Variants in BTF3L4 observed in about 807,000 individuals in gnomAD.
BTF3L4 encodes basic transcription factor 3 like 4.
In BTF3L4, 6 loss-of-function variants were observed where a neutral mutation model predicts 16.8. The observed-to-expected ratio is 0.36, with a 90% CI of 0.20 to 0.71. BTF3L4 has a LOEUF of 0.71. Ranked by LOEUF, BTF3L4 falls within the 30% of genes least tolerant of loss-of-function variation. BTF3L4 has a pLI of 0.58. For missense variants in BTF3L4, 92 were observed against 186.9 expected (o/e 0.49, Z 2.96); for synonymous variants, 39 against 59.8 (o/e 0.65, Z 1.60).
intron 3 of BTF3L4, among the ~76,000 whole-genome samples, chr1:52,069,220 G>A (rs947812853): frequency 1.3e-5 from 2 of 152,144 alleles, no homozygotes; most frequent in African/African-American, 2.4e-5. Context: ...TATTTGAACC[G>A]AAGATGGAGA....
rs768693775 is a variant in BTF3L4 at position 52,088,131 on chromosome 1, A to ATATATC, written c.*1374_*1379dup. On this transcript the variant is annotated 3_prime_UTR_variant, in exon 6 of 6. Coordinates refer to ENST00000313334, the MANE Select transcript of BTF3L4 (RefSeq NM_152265.5). ...AATATTTAAGGACAAAATTTAGAAA[A>ATATATC]TATATCATTTCCTGGCCCATCATCA... is the stretch of plus-strand genomic sequence containing the variant. 4.6e-5 allele frequency: 7 copies of ATATATC among 152,594 alleles called. No homozygotes were observed. The highest frequency in any genetic ancestry group is 1.0e-4 in the Non-Finnish European group (7 of 68,040). 9.5% of individuals were successfully genotyped at this position (152,594 alleles called of 1,614,324 possible). A position where few individuals can be genotyped will look rare whatever the true frequency, so the allele number is the denominator to read the frequency against.
intron 3 of BTF3L4, among the ~76,000 whole-genome samples, chr1:52,082,971 TTTTG>T (rs1359593849): frequency 6.6e-6 from 1 of 152,168 alleles, no homozygotes; most frequent in Non-Finnish European, 1.5e-5. Context: ...ATTGCACTGA[TTTTG>T]TTTGACAGTA....
At chr1:52,074,610 C>T (rs1168570017) in intron 3 of BTF3L4, among the ~76,000 whole-genome samples, 1 of 152,046 alleles carries the variant, frequency 6.6e-6, no homozygotes, top group Non-Finnish European at 1.5e-5. Context: ...GATCCACCTG[C>T]CTCGGCCTCC....
intron 4 of BTF3L4, among the ~76,000 whole-genome samples, chr1:52,083,957 T>C (rs934074784): frequency 4.0e-5 from 6 of 149,662 alleles, no homozygotes; most frequent in Non-Finnish European, 7.4e-5. Context: ...GAGGCAGAGG[T>C]TGCAGTGAGC....
At chr1:52,068,330 T>G (rs1420947000) in intron 3 of BTF3L4, among the ~76,000 whole-genome samples, 1 of 152,246 alleles carries the variant, frequency 6.6e-6, no homozygotes, top group African/African-American at 2.4e-5. Context: ...TGCCAAGGAC[T>G]TACTGGACAG....
At position 52,088,136 on chromosome 1, in the gene BTF3L4, T is replaced by C. The variant is rs1211528459; in HGVS notation, c.*1378T>C. ...TTAAGGACAAAATTTAGAAAATATA[T>C]CATTTCCTGGCCCATCATCAAACTA... On this transcript the variant is annotated 3_prime_UTR_variant, in exon 6 of 6. Coordinates refer to ENST00000313334, the MANE Select transcript of BTF3L4 (RefSeq NM_152265.5). The C allele has an allele frequency of 6.6e-6, 1 of 152,600 alleles. No homozygotes were observed. Among genetic ancestry groups the C allele is most frequent in the Non-Finnish European group, 1.5e-5 (1 of 68,046 alleles). 9.5% of individuals were successfully genotyped at this position (152,600 alleles called of 1,614,324 possible).
At chr1:52,069,333 C>T (rs984219296) in intron 3 of BTF3L4, among the ~76,000 whole-genome samples, 1 of 151,844 alleles carries the variant, frequency 6.6e-6, no homozygotes, top group Non-Finnish European at 1.5e-5. Flanking sequence ...TGAAATATTC[C>T]TCTTTGGGAA....
At chr1:52,079,374 T>C (rs1399239646) in intron 3 of BTF3L4, among the ~76,000 whole-genome samples, 24 of 87,586 alleles carry the variant, frequency 2.7e-4, no homozygotes, top group African/African-American at 9.2e-4. Context: ...AAAGTGAGAC[T>C]CCATCTCAAA....
At position 52,069,650 on chromosome 1, in the gene BTF3L4, A is replaced by G. The variant is rs17173201; in HGVS notation, c.168+4712A>G. 0.01 allele frequency among the ~76,000 whole-genome samples: 1,536 copies of G among 152,310 alleles called. 80 individuals carry two copies. In the East Asian group the frequency reaches 0.13, roughly 13 times the overall value. ...TTGAGAAGAAAAGACACTTTTTGCCATTATTGTGAAACAATATGATAGTAC... is the reference window on the plus strand; with the variant it reads ...TTGAGAAGAAAAGACACTTTTTGCCGTTATTGTGAAACAATATGATAGTAC... On this transcript the variant is annotated intron_variant, in intron 3 of 5. Coordinates refer to ENST00000313334, the MANE Select transcript of BTF3L4 (RefSeq NM_152265.5).
chr1:52,070,328 GTTCATTTGGTA>G (rs1213551070), intron 3 of BTF3L4, among the ~76,000 whole-genome samples: 1 of 150,102 alleles, frequency 6.7e-6, no homozygotes, highest in African/African-American at 2.4e-5. Context: ...TGGTATAATA[GTTCATTTGGTA>G]TAATAGTTCA....
intron 3 of BTF3L4, among the ~76,000 whole-genome samples, chr1:52,082,410 A>G (rs1401540088): frequency 6.6e-6 from 1 of 152,130 alleles, no homozygotes; most frequent in African/African-American, 2.4e-5. Flanking sequence ...TACAGGGGTT[A>G]TTAAAGATTG....
chr1:52,064,787 C>A, intron 2 of BTF3L4, 38 bp from the exon 3 acceptor site: 1 of 1,314,086 alleles, frequency 7.6e-7, no homozygotes, highest in Non-Finnish European at 1.1e-6. Context: ...AGATGCCAGG[C>A]ATGCTAACAC....
At chr1:52,066,776 G>T (rs1686661822) in intron 3 of BTF3L4, among the ~76,000 whole-genome samples, 1 of 151,766 alleles carries the variant, frequency 6.6e-6, no homozygotes, top group Non-Finnish European at 1.5e-5. Context: ...AACCCAGGAT[G>T]GGGAGCTTGC....
chr1:52,087,771 G>T lies in BTF3L4; in HGVS notation c.*1013G>T, dbSNP rs1440738943. The stretch of plus-strand genomic sequence containing the variant: ...TTTCAGCAAGGTTGAAATTGGGAAT[G>T]TCCTTTTGAATCAGAAGAAAATAGG... On this transcript the variant is annotated 3_prime_UTR_variant, in exon 6 of 6. Coordinates refer to ENST00000313334, the MANE Select transcript of BTF3L4 (RefSeq NM_152265.5). The T allele has an allele frequency of 6.6e-6, 1 of 152,624 alleles. No individual in the cohort carries two copies. The highest frequency in any genetic ancestry group is 1.5e-5 in the Non-Finnish European group (1 of 68,048). 9.5% of individuals were successfully genotyped at this position (152,624 alleles called of 1,614,324 possible). A position where few individuals can be genotyped will look rare whatever the true frequency, so the allele number is the denominator to read the frequency against.
At chr1:52,059,065 C>T (rs903013223) in intron 1 of BTF3L4, among the ~76,000 whole-genome samples, 5 of 151,764 alleles carry the variant, frequency 3.3e-5, no homozygotes, top group African/African-American at 1.2e-4. Flanking sequence ...TTTTAGGAGT[C>T]TCCTCTCTGC....
At chr1:52,061,975 C>A (rs554022741) in intron 2 of BTF3L4, among the ~76,000 whole-genome samples, 1 of 145,682 alleles carries the variant, frequency 6.9e-6, no homozygotes, top group East Asian at 2.1e-4. Flanking sequence ...CTCTCTCTGT[C>A]GCCCAGGCTG....
In BTF3L4 at chr1:52,078,094, C is replaced by T. The variant is rs147590206; in HGVS notation, c.169-5246C>T. Among the ~76,000 whole-genome samples the T allele has an allele frequency of 5.7e-3, 862 of 152,068 alleles. 4 individuals carry two copies. The highest frequency in any genetic ancestry group is 0.019 in the African/African-American group (792 of 41,488). On this transcript the variant is annotated intron_variant, in intron 3 of 5. Transcript: ENST00000313334. ...TTTTTCCTTTTTTAAGACAGGGTCT[C>T]GCTCTGTCACCCAGGTTGGAATGCA...
intron 2 of BTF3L4, among the ~76,000 whole-genome samples, chr1:52,061,260 G>A (rs568985988): frequency 6.6e-6 from 1 of 152,204 alleles, no homozygotes; most frequent in African/African-American, 2.4e-5. Context: ...AGGCTGAGGT[G>A]GGTGGATCAG....
intron 3 of BTF3L4, among the ~76,000 whole-genome samples, chr1:52,074,802 T>C (rs1686889886): frequency 6.6e-6 from 1 of 152,136 alleles, no homozygotes; most frequent in South Asian, 2.1e-4. Context: ...AGCCACTGCG[T>C]CCGGCTTGTT....
Sources: allele counts gnomAD v4.1 joint callset (sites outside exome capture counted in the v4.1 genomes callset), GRCh38; gene constraint gnomAD v4.1.1; transcripts MANE v1.5; gene names NCBI Gene and HGNC (gene_info 2026-07-23, HGNC 2026-07-21).